CDC42BPA: variants seen among roughly 807,000 people sequenced by gnomAD.
The protein encoded by CDC42BPA is CDC42 binding protein kinase alpha.
Under a neutral mutation model 223.5 loss-of-function variants are expected in CDC42BPA, and 80 were observed. The observed-to-expected ratio is 0.36, with a 90% CI of 0.30 to 0.43. CDC42BPA has a LOEUF of 0.43. Ranked by LOEUF, CDC42BPA falls within the 20% of genes least tolerant of loss-of-function variation. The pLI is 1.00. For missense variants in CDC42BPA, 1,743 were observed against 2,099.9 expected, an observed-to-expected ratio of 0.83 and a Z score of 3.32; for synonymous variants, 694 against 718.6, an observed-to-expected ratio of 0.97 and a Z score of 0.55.
At chr1:227,198,470 GAAAGAAAA>G (rs1260294601) in intron 4 of CDC42BPA, among the ~76,000 whole-genome samples, 1 of 104,422 alleles carries the variant, frequency 9.6e-6, no homozygotes, top group African/African-American at 3.5e-5. Flanking sequence ...AAGAAAGAAA[GAAAGAAAA>G]AAAATGTTGC....
intron 21 of CDC42BPA, among the ~76,000 whole-genome samples, chr1:227,055,277 A>G (rs979371744): frequency 6.6e-6 from 1 of 152,158 alleles, no homozygotes; most frequent in African/African-American, 2.4e-5. Context: ...ACAATATCTC[A>G]AAAGTGTTAC....
chr1:227,087,625 C>T (rs748963662), intron 16 of CDC42BPA, among the ~76,000 whole-genome samples: 2 of 152,140 alleles, frequency 1.3e-5, no homozygotes, highest in Non-Finnish European at 2.9e-5. Flanking sequence ...GGGAGAATTG[C>T]TATCCCAACA....
chr1:227,142,003 TA>T (rs1659764388), intron 9 of CDC42BPA, among the ~76,000 whole-genome samples: 1 of 151,988 alleles, frequency 6.6e-6, no homozygotes. Flanking sequence ...AAATAGTTAC[TA>T]GGTGAGTGGA....
rs934636249 is a variant in CDC42BPA, at chr1:227,115,154, C to T, written c.1648-2241G>A. ...ATACGTATTTTACCACAGTTAAAAA[C>T]TTTTGAGAAGGGAAGAAAGGAAATA... is the stretch of plus-strand genomic sequence containing the variant. On this transcript the variant is annotated intron_variant, in intron 12 of 36. Transcript: ENST00000366766. Among the ~76,000 whole-genome samples, 2 of 151,830 alleles carry T rather than the reference C, an allele frequency of 1.3e-5. 1 individual carries two copies. Among genetic ancestry groups the T allele is most frequent in the East Asian group, 3.8e-4 (2 of 5,196 alleles).
At chr1:227,295,369 G>A (rs578117402) in intron 1 of CDC42BPA, among the ~76,000 whole-genome samples, 2 of 151,844 alleles carry the variant, frequency 1.3e-5, no homozygotes, top group Non-Finnish European at 1.5e-5. Context: ...CATGTTGCCC[G>A]GCTGGTCTCA....
At chr1:227,165,373 T>C (rs891852656) in intron 5 of CDC42BPA, among the ~76,000 whole-genome samples, 4 of 152,212 alleles carry the variant, frequency 2.6e-5, no homozygotes, top group Non-Finnish European at 4.4e-5. Flanking sequence ...AGGAACTAAA[T>C]TGACTTGATA....
intron 32 of CDC42BPA, among the ~76,000 whole-genome samples, chr1:227,019,888 A>G (rs1233427085): frequency 1.3e-5 from 2 of 152,012 alleles, no homozygotes; most frequent in Non-Finnish European, 2.9e-5. Context: ...GGCAGAGTAG[A>G]GTTACCATAA....
intron 12 of CDC42BPA, among the ~76,000 whole-genome samples, chr1:227,113,829 A>G (rs557709462): frequency 1.3e-4 from 20 of 149,474 alleles, no homozygotes; most frequent in African/African-American, 4.9e-4. Context: ...CCTAGGCGAC[A>G]TTGTGAGACC....
intron 1 of CDC42BPA, among the ~76,000 whole-genome samples, chr1:227,255,721 A>C (rs1450842462): frequency 1.3e-5 from 2 of 152,240 alleles, no homozygotes; most frequent in African/African-American, 4.8e-5. Flanking sequence ...AAAAGAATAA[A>C]GTACTTAAAG....
chr1:227,236,457 T>G (rs1679040048), intron 2 of CDC42BPA, among the ~76,000 whole-genome samples: 1 of 152,240 alleles, frequency 6.6e-6, no homozygotes, highest in Admixed American at 6.5e-5. Flanking sequence ...ATTCAAAGTT[T>G]TTGTATTTCC....
chr1:227,161,621 G>A (rs2313497), intron 5 of CDC42BPA, among the ~76,000 whole-genome samples: 137,347 of 152,262 alleles, frequency 0.9, 62,394 homozygotes, highest in Middle Eastern at 0.96. Context: ...TGTATATCAC[G>A]AGTTAGTAAA....
intron 26 of CDC42BPA, among the ~76,000 whole-genome samples, chr1:227,034,179 G>C (rs11583340): frequency 6.6e-6 from 1 of 152,066 alleles, no homozygotes; most frequent in African/African-American, 2.4e-5. Flanking sequence ...ATAGTGCCTG[G>C]AGTTAGGAGA....
chr1:227,181,876 T>C (rs1667997046), intron 5 of CDC42BPA, among the ~76,000 whole-genome samples: 1 of 152,172 alleles, frequency 6.6e-6, no homozygotes, highest in South Asian at 2.1e-4. Flanking sequence ...AAAAAGTATA[T>C]TACTTACATA....
At chr1:227,139,264 T>C (rs1400829452) in intron 10 of CDC42BPA, among the ~76,000 whole-genome samples, 2 of 152,062 alleles carry the variant, frequency 1.3e-5, no homozygotes. Flanking sequence ...GCAAATAATA[T>C]AGGAAAAGTC....
At chr1:227,133,480 A>T (rs1657781255) in intron 10 of CDC42BPA, among the ~76,000 whole-genome samples, 1 of 152,200 alleles carries the variant, frequency 6.6e-6, no homozygotes, top group Non-Finnish European at 1.5e-5. Context: ...CAGCTCATTG[A>T]GAACGGGCCA....
intron 2 of CDC42BPA, among the ~76,000 whole-genome samples, chr1:227,246,307 G>T (rs1385679314): frequency 1.3e-5 from 2 of 152,144 alleles, no homozygotes; most frequent in Non-Finnish European, 2.9e-5. Context: ...TAAAACATCA[G>T]GTAGATTGCT....
intron 21 of CDC42BPA, chr1:227,059,415 C>T: frequency 1.3e-6 from 2 of 1,561,192 alleles, no homozygotes; most frequent in Non-Finnish European, 1.7e-6. Flanking sequence ...GAGAGCGCTT[C>T]AACAGAGAAA....
intron 3 of CDC42BPA, among the ~76,000 whole-genome samples, chr1:227,205,858 G>A (rs1336721213): frequency 6.6e-6 from 1 of 152,122 alleles, no homozygotes; most frequent in African/African-American, 2.4e-5. Context: ...AGACTAGCCT[G>A]AGCAATATAG....
At chr1:227,192,043 C>CA (rs1669807834) in intron 5 of CDC42BPA, among the ~76,000 whole-genome samples, 3 of 151,240 alleles carry the variant, frequency 2.0e-5, no homozygotes, top group Admixed American at 2.0e-4. Context: ...CTGTGACAAT[C>CA]AGATACCCAC....
Sources: gnomAD v4.1 joint callset for allele counts (sites outside exome capture counted in the v4.1 genomes callset) on GRCh38, gnomAD v4.1.1 for gene constraint, MANE v1.5 for transcripts, NCBI Gene and HGNC (gene_info 2026-07-23, HGNC 2026-07-21) for gene names.